DNAJA3: variants seen among roughly 807,000 people sequenced by gnomAD.
DNAJA3 encodes the protein dnaJ homolog subfamily A member 3, mitochondrial.
Under a neutral mutation model 54.9 loss-of-function variants are expected in DNAJA3, and 29 were observed. That is an observed-to-expected ratio of 0.53 (90% confidence interval 0.39 to 0.72). The LOEUF (loss-of-function observed/expected upper bound fraction) is 0.72, where lower values mean the gene tolerates loss of function less well. Among genes scored for constraint, DNAJA3 ranks in the 30% least tolerant of loss-of-function variants. DNAJA3 has a pLI of 0.00. For synonymous variants in DNAJA3, 302 were observed against 251.4 expected, an observed-to-expected ratio of 1.20 and a Z score of -1.90; for missense variants, 708 against 639.4, an observed-to-expected ratio of 1.11 and a Z score of -1.16.
chr16:4,447,163 C>A, intron 8 of DNAJA3, 149 bp downstream of exon 8: 2 of 906,266 alleles, frequency 2.2e-6, no homozygotes, highest in Non-Finnish European at 3.3e-6. Flanking sequence ...TTTTAGGCTG[C>A]TCCTTGAGTG....
At chr16:4,446,361 A>G (rs2056902315) in intron 7 of DNAJA3, among the ~76,000 whole-genome samples, 1 of 149,794 alleles carries the variant, frequency 6.7e-6, no homozygotes, top group African/African-American at 2.5e-5. Context: ...CTTCTGCCTC[A>G]GCCTCCTGAG....
intron 1 of DNAJA3, among the ~76,000 whole-genome samples, chr16:4,432,186 CATTT>C (rs1407949730): frequency 2.7e-5 from 4 of 149,200 alleles, no homozygotes; most frequent in Admixed American, 2.0e-4. Flanking sequence ...GTCTTTGATC[CATTT>C]ATTTATTTAT....
At chr16:4,453,828 G>A (rs796123424) in intron 10 of DNAJA3, among the ~76,000 whole-genome samples, 19 of 152,248 alleles carry the variant, frequency 1.2e-4, no homozygotes, top group African/African-American at 3.1e-4. Flanking sequence ...TTTCACTAGC[G>A]AAGGCACCTT....
At chr16:4,432,890 C>T (rs569137048) in intron 1 of DNAJA3, among the ~76,000 whole-genome samples, 1 of 151,982 alleles carries the variant, frequency 6.6e-6, no homozygotes, top group African/African-American at 2.4e-5. Context: ...GCCGGTAATC[C>T]CAGCACTTTG....
At chr16:4,448,171 C>T (rs1352744807) in intron 8 of DNAJA3, among the ~76,000 whole-genome samples, 1 of 150,296 alleles carries the variant, frequency 6.7e-6, no homozygotes, top group Non-Finnish European at 1.5e-5. Flanking sequence ...GGCCTACAAG[C>T]ACGCGCCACC....
intron 1 of DNAJA3, chr16:4,433,163 T>A (rs1310882154): frequency 6.6e-6 from 1 of 152,194 alleles, no homozygotes; most frequent in Non-Finnish European, 1.5e-5. Flanking sequence ...AACCTGCTCT[T>A]CCTATCTGTT....
rs769582339 is a variant in DNAJA3 at position 4,441,461 on chromosome 16, C to A, written c.516C>A (p.Ser172Arg). ...CTGGGGCCAGCGGCTCCCAGCATAG[C>A]TACTGGAAGGGAGGCCCCACTGTGG... The part of the protein sequence containing the change: ...FDPGASGSQH[S>R]YWKGGPTVDP... The change falls in exon 4 of 12, where the codon AGC (serine) becomes AGA (arginine). Residue 172 changes from serine (S) to arginine (R), a missense_variant. Ser to Arg is a moderately radical substitution (Grantham distance 110). Coordinates refer to ENST00000262375, the MANE Select transcript of DNAJA3 (RefSeq NM_005147.6). 2 of 1,614,150 alleles carry A rather than the reference C, an allele frequency of 1.2e-6. No individual in the cohort carries two copies. The highest frequency in any genetic ancestry group is 8.5e-7 in the Non-Finnish European group (1 of 1,180,016).
At chr16:4,445,445 C>G (rs545152442) in intron 7 of DNAJA3, among the ~76,000 whole-genome samples, 5 of 152,074 alleles carry the variant, frequency 3.3e-5, no homozygotes, top group Non-Finnish European at 7.3e-5. Flanking sequence ...TTTAGGGACA[C>G]GGAAATACAT....
chr16:4,442,947 C>A (rs2056854431), intron 5 of DNAJA3, 70 bp from the exon 6 acceptor site: 5 of 1,535,340 alleles, frequency 3.3e-6, no homozygotes, highest in African/African-American at 1.4e-5. Context: ...TTCTTACGCA[C>A]ATTGTGGTCC....
At chr16:4,435,828 C>T (rs145185478) in intron 2 of DNAJA3, among the ~76,000 whole-genome samples, 1 of 152,176 alleles carries the variant, frequency 6.6e-6, no homozygotes, top group Non-Finnish European at 1.5e-5. Context: ...TTTCAGTTCT[C>T]TTGGATATTT....
Position 4,442,418 on chromosome 16 carries a change from A to G in DNAJA3, c.781A>G (p.Met261Val). 2 of 1,595,676 alleles carry G rather than the reference A, an allele frequency of 1.3e-6. No individual in the cohort carries two copies. Among genetic ancestry groups the G allele is most frequent in the Non-Finnish European group, 8.5e-7 (1 of 1,170,192 alleles). The change falls in exon 5 of 12, where the codon ATG becomes GTG. Residue 261 changes from methionine (M) to valine (V), a missense_variant and splice_region_variant. Coordinates refer to ENST00000262375, the MANE Select transcript of DNAJA3 (RefSeq NM_005147.6). ...QHCHYCGGSG[M>V]ETINTGPFVM... ...TTGCCACTACTGTGGCGGCTCCGGC[A>G]TGGTAAGGCTCTGCCCGAGACTCCA...
chr16:4,433,970 C>T (rs2056739299), intron 1 of DNAJA3: 1 of 225,776 alleles, frequency 4.4e-6, no homozygotes, highest in African/African-American at 2.4e-5. Flanking sequence ...ATACCTAAGA[C>T]TGGGTAAATT....
chr16:4,454,037 C>T (rs2057007483), intron 10 of DNAJA3, among the ~76,000 whole-genome samples: 1 of 152,186 alleles, frequency 6.6e-6, no homozygotes, highest in Admixed American at 6.6e-5. Flanking sequence ...ATGGTGTCAG[C>T]CTGGGCCCTA....
intron 3 of DNAJA3, chr16:4,440,763 G>GATC (rs1392705421): frequency 6.6e-6 from 1 of 152,646 alleles, no homozygotes; most frequent in Non-Finnish European, 1.5e-5. Flanking sequence ...TTGAGGCCAG[G>GATC]AGTTTGAAAG....
intron 1 of DNAJA3, chr16:4,433,719 A>T (rs1166789146): frequency 6.6e-6 from 1 of 152,264 alleles, no homozygotes; most frequent in East Asian, 1.9e-4. Flanking sequence ...CTCATGTGGC[A>T]TAAGAGGGGG....
intron 2 of DNAJA3, 71 bp downstream of exon 2, chr16:4,434,588 C>T: frequency 1.3e-6 from 2 of 1,561,528 alleles, no homozygotes; most frequent in Admixed American, 1.8e-5. Context: ...TGATCCTGAT[C>T]AGTACAGCGT....
At chr16:4,442,460 C>T (rs375449238) in intron 5 of DNAJA3, 40 bp downstream of exon 5, 1 of 1,533,054 alleles carries the variant, frequency 6.5e-7, no homozygotes. Flanking sequence ...ACGGCTTGCA[C>T]CACTGACTGA....
In DNAJA3 at chr16:4,454,869, C is replaced by G. The variant is rs35375112; in HGVS notation, c.1398C>G (p.Asp466Glu). The change falls in exon 11 of 12, where the codon GAC becomes GAG. Residue 466 changes from aspartate to glutamate, a missense_variant. Asp to Glu is a conservative substitution (Grantham distance 45). Transcript: ENST00000262375. ...AGGCTAGGCGTGAGGCTGGGGAGGA[C>G]GAGGAGGGATTCCTTTCCAAACTTA... Reference protein sequence around the residue: ...GSKARREAGEDEEGFLSKLKK... With the variant: ...GSKARREAGEEEEGFLSKLKK... 4 of 1,613,910 alleles carry G rather than the reference C, an allele frequency of 2.5e-6. No individual in the cohort carries two copies. The highest frequency in any genetic ancestry group is 2.7e-5 in the African/African-American group (2 of 74,900).
chr16:4,428,007 A>AGT (rs1187354846), intron 1 of DNAJA3, among the ~76,000 whole-genome samples: 1 of 151,454 alleles, frequency 6.6e-6, no homozygotes, highest in Non-Finnish European at 1.5e-5. Flanking sequence ...GCTGGAGTGC[A>AGT]GTGGCGCTAT....
Sources: allele counts gnomAD v4.1 joint callset (sites outside exome capture counted in the v4.1 genomes callset), GRCh38; gene constraint gnomAD v4.1.1; transcripts MANE v1.5; gene names NCBI Gene and HGNC (gene_info 2026-07-23, HGNC 2026-07-21).